Variants in PSEN1 observed in about 807,000 individuals in gnomAD.
PSEN1 encodes presenilin 1, also known as presenilin-1.
A neutral mutation model predicts 53.5 loss-of-function variants in PSEN1; 15 were observed. The observed-to-expected ratio is 0.28, with a 90% CI of 0.19 to 0.43. PSEN1 has a LOEUF of 0.43. PSEN1 is among the 20% of genes least tolerant of loss of function. The pLI is 1.00. For synonymous variants in PSEN1, 208 were observed against 209.8 expected, an observed-to-expected ratio of 0.99 and a Z score of 0.08; for missense variants, 387 against 571.2, an observed-to-expected ratio of 0.68 and a Z score of 3.29.
intron 1 of PSEN1, among the ~76,000 whole-genome samples, chr14:73,140,655 A>G (rs551395826): frequency 6.6e-6 from 1 of 152,280 alleles, no homozygotes; most frequent in East Asian, 1.9e-4. Flanking sequence ...CTGTAGGGGC[A>G]TTATATAACT....
At chr14:73,178,497 C>T (rs1898111959) in intron 5 of PSEN1, among the ~76,000 whole-genome samples, 1 of 152,122 alleles carries the variant, frequency 6.6e-6, no homozygotes, top group African/African-American at 2.4e-5. Context: ...TCTTTACCCT[C>T]TTCTGGGAGT....
chr14:73,206,093 T>C, intron 8 of PSEN1: 1 of 398,006 alleles, frequency 2.5e-6, no homozygotes, highest in Admixed American at 4.0e-5. Flanking sequence ...CAGTGGAATC[T>C]TGCTGGCCTG....
intron 9 of PSEN1, among the ~76,000 whole-genome samples, chr14:73,208,049 G>A (rs1040838887): frequency 7.9e-5 from 12 of 152,118 alleles, no homozygotes; most frequent in African/African-American, 2.9e-4. Flanking sequence ...TTAACCTGGG[G>A]AACACAGGGG....
At chr14:73,208,753 T>C (rs922890330) in intron 9 of PSEN1, 2 of 435,410 alleles carry the variant, frequency 4.6e-6, no homozygotes, top group African/African-American at 2.0e-5. Flanking sequence ...ACTGGGAGCT[T>C]GGCCTCCAGG....
intron 3 of PSEN1, among the ~76,000 whole-genome samples, chr14:73,151,372 A>G (rs17124867): frequency 0.015 from 2,294 of 152,264 alleles, 58 homozygotes; most frequent in African/African-American, 0.051. Flanking sequence ...GTGATTGGAT[A>G]TATGGATCTT....
At chr14:73,181,439 AAATC>A (rs879457505) in intron 5 of PSEN1, among the ~76,000 whole-genome samples, 20 of 152,312 alleles carry the variant, frequency 1.3e-4, no homozygotes, top group Middle Eastern at 3.4e-3. Flanking sequence ...CTCCATCTCA[AAATC>A]AATCAATCAA....
At chr14:73,197,855 C>A in intron 7 of PSEN1, 176 bp from the exon 8 acceptor site, 1 of 600,972 alleles carries the variant, frequency 1.7e-6, no homozygotes, top group Non-Finnish European at 2.9e-6. Context: ...TTTATGTTGT[C>A]TCCCCCACCC....
chr14:73,179,414 T>C (rs1008576091), intron 5 of PSEN1, among the ~76,000 whole-genome samples: 8 of 152,140 alleles, frequency 5.3e-5, no homozygotes, highest in East Asian at 3.8e-4. Context: ...CTCATGAGTT[T>C]ATGACCAGCC....
At chr14:73,149,202 A>T (rs1897151496) in intron 3 of PSEN1, among the ~76,000 whole-genome samples, 1 of 152,084 alleles carries the variant, frequency 6.6e-6, no homozygotes, top group South Asian at 2.1e-4. Context: ...ACTTTCTCAT[A>T]GCCTGGCATG....
At chr14:73,145,299 T>G (rs1392286051) in intron 1 of PSEN1, among the ~76,000 whole-genome samples, 1 of 152,200 alleles carries the variant, frequency 6.6e-6, no homozygotes, top group Non-Finnish European at 1.5e-5. Flanking sequence ...ATGAGAGTTC[T>G]ATGGGTTTTT....
At chr14:73,159,217 T>C (rs1265079077) in intron 3 of PSEN1, among the ~76,000 whole-genome samples, 1 of 151,734 alleles carries the variant, frequency 6.6e-6, no homozygotes, top group Non-Finnish European at 1.5e-5. Flanking sequence ...AGTCTTGCCC[T>C]GTCACCCAGG....
chr14:73,179,491 C>T (rs190958493), intron 5 of PSEN1, among the ~76,000 whole-genome samples: 1 of 152,280 alleles, frequency 6.6e-6, no homozygotes, highest in Non-Finnish European at 1.5e-5. Context: ...GTGGTGGGCA[C>T]CTGTAGTTCC....
intron 1 of PSEN1, among the ~76,000 whole-genome samples, chr14:73,141,308 T>C (rs1825868841): frequency 6.7e-6 from 1 of 150,352 alleles, no homozygotes; most frequent in Non-Finnish European, 1.5e-5. Context: ...TGGAGTGGGA[T>C]GGAAGGAGAA....
chr14:73,179,509 C>G (rs1336953064), intron 5 of PSEN1, among the ~76,000 whole-genome samples: 1 of 151,884 alleles, frequency 6.6e-6, no homozygotes, highest in Non-Finnish European at 1.5e-5. Flanking sequence ...TCCAGTTACT[C>G]AGGAGGCTGA....
At chr14:73,219,001 C>G in intron 11 of PSEN1, 133 bp from the exon 12 acceptor site, 1 of 964,684 alleles carries the variant, frequency 1.0e-6, no homozygotes, top group South Asian at 1.3e-5. Context: ...GAATGAACGT[C>G]TGTTCTAAAA....
intron 1 of PSEN1, among the ~76,000 whole-genome samples, chr14:73,145,058 A>G (rs1897032007): frequency 1.3e-5 from 2 of 152,006 alleles, no homozygotes; most frequent in Admixed American, 1.3e-4. Flanking sequence ...ATGCCCAGCT[A>G]ATTTTTGTAT....
chr14:73,208,216 G>A (rs1899533951), intron 9 of PSEN1, among the ~76,000 whole-genome samples: 1 of 152,184 alleles, frequency 6.6e-6, no homozygotes, highest in Admixed American at 6.5e-5. Flanking sequence ...GCAAGTGGGG[G>A]GCACGTTTCA....
chr14:73,143,956 C>G (rs975327427), intron 1 of PSEN1, among the ~76,000 whole-genome samples: 1 of 144,136 alleles, frequency 6.9e-6, no homozygotes, highest in Non-Finnish European at 1.5e-5. Context: ...CACTGTACTC[C>G]AGCCTGGGTG....
intron 10 of PSEN1, among the ~76,000 whole-genome samples, chr14:73,216,483 A>AT (rs1296338003): frequency 6.6e-6 from 1 of 152,168 alleles, no homozygotes; most frequent in African/African-American, 2.4e-5. Flanking sequence ...ATGATAGGCC[A>AT]TGTGTGGTGG....
Sources: gnomAD v4.1 joint callset for allele counts (sites outside exome capture counted in the v4.1 genomes callset) on GRCh38, gnomAD v4.1.1 for gene constraint, MANE v1.5 for transcripts, NCBI Gene and HGNC (gene_info 2026-07-23, HGNC 2026-07-21) for gene names.